Variants in AFAP1L2 observed in about 807,000 individuals in gnomAD.
AFAP1L2 encodes the protein actin filament-associated protein 1-like 2.
Under a neutral mutation model 99.3 loss-of-function variants are expected in AFAP1L2, and 46 were observed. The ratio of observed to expected loss-of-function variants is 0.46; its 90% CI spans 0.37 to 0.59. The LOEUF (loss-of-function observed/expected upper bound fraction) is 0.59, where lower values mean the gene tolerates loss of function less well. Ranked by LOEUF, AFAP1L2 falls within the 20% of genes least tolerant of loss-of-function variation. The probability of loss-of-function intolerance (pLI) is 0.00; values close to 1 mark genes in which losing one functional copy is unlikely to be tolerated. For synonymous variants in AFAP1L2, 397 were observed against 419.1 expected (o/e 0.95, Z 0.64); for missense variants, 959 against 1,034.9 (o/e 0.93, Z 1.01).
At chr10:114,287,977 C>T in the AFAP1L2 span, among the ~76,000 whole-genome samples, 2 of 152,188 alleles carry the variant, frequency 1.3e-5, no homozygotes, top group Non-Finnish European at 2.9e-5. Flanking sequence ...GTTTCTCAGA[C>T]GTTCCTGGTG....
intron 1 of AFAP1L2, among the ~76,000 whole-genome samples, chr10:114,394,466 T>C (rs1252376306): frequency 6.6e-6 from 1 of 152,124 alleles, no homozygotes; most frequent in Non-Finnish European, 1.5e-5. Flanking sequence ...AGGGTCTGAC[T>C]CTATCCTCTG....
chr10:114,323,746 G>A (rs2045765368), intron 4 of AFAP1L2, among the ~76,000 whole-genome samples: 1 of 152,154 alleles, frequency 6.6e-6, no homozygotes, highest in Admixed American at 6.5e-5. Context: ...AGCAAATATT[G>A]GATGACTTCC....
At chr10:114,307,428 TC>T (rs2134346333) in intron 10 of AFAP1L2, among the ~76,000 whole-genome samples, 1 of 151,900 alleles carries the variant, frequency 6.6e-6, no homozygotes, top group Non-Finnish European at 1.5e-5. Context: ...AATCATCACC[TC>T]CCTCAGGCAG....
rs1397212300 is a variant in AFAP1L2 at position 114,340,870 on chromosome 10, C to T, written c.17-139G>A. The T allele has an allele frequency of 4.2e-6, 5 of 1,199,964 alleles. No homozygotes were observed. In the Admixed American group the frequency reaches 7.1e-5, roughly 17 times the overall value. The allele number at this position is 1,199,964 out of a possible 1,614,324, so 74.3% of individuals were successfully genotyped here. A position where few individuals can be genotyped will look rare whatever the true frequency, so the allele number is the denominator to read the frequency against. On this transcript the variant is annotated intron_variant, in intron 1 of 18. Coordinates refer to ENST00000304129, the MANE Select transcript of AFAP1L2 (RefSeq NM_001001936.3). ...AAGGGTTTGGTGTGAGGTCTGGCAGCGTATGGGGGGACTGGGCAGAAGATG... is the reference window on the plus strand; with the variant it reads ...AAGGGTTTGGTGTGAGGTCTGGCAGTGTATGGGGGGACTGGGCAGAAGATG...
intron 1 of AFAP1L2, among the ~76,000 whole-genome samples, chr10:114,390,740 A>T (rs1306832460): frequency 6.6e-6 from 1 of 151,864 alleles, no homozygotes; most frequent in Non-Finnish European, 1.5e-5. Context: ...AAAAAAAAAA[A>T]AAAATCCTAC....
rs753599540 is a variant in AFAP1L2 at position 114,295,303 on chromosome 10, C to T, written c.*739G>A. On this transcript the variant is annotated 3_prime_UTR_variant, in exon 19 of 19. Transcript: ENST00000304129. ...AGATACTTTTCACTGTTCTAAATGACAGGATTTTAAGCATTTTTTCCTATA... is the reference window on the plus strand; with the variant it reads ...AGATACTTTTCACTGTTCTAAATGATAGGATTTTAAGCATTTTTTCCTATA... 2.9e-5 allele frequency: 29 copies of T among 984,936 alleles called. No individual in the cohort carries two copies. The highest frequency in any genetic ancestry group is 1.8e-5 in the Non-Finnish European group (15 of 829,222). 61.0% of individuals were successfully genotyped at this position (984,936 alleles called of 1,614,324 possible).
chr10:114,330,714 T>C (rs573336318), intron 4 of AFAP1L2, among the ~76,000 whole-genome samples: 1 of 152,248 alleles, frequency 6.6e-6, no homozygotes, highest in South Asian at 2.1e-4. Context: ...CACATCCATA[T>C]GATTTTACAA....
At chr10:114,282,739 A>G in the AFAP1L2 span, among the ~76,000 whole-genome samples, 4 of 152,296 alleles carry the variant, frequency 2.6e-5, no homozygotes, top group South Asian at 2.1e-4. Flanking sequence ...GACTCCCTCA[A>G]TGGTGTTTGC....
intron 1 of AFAP1L2, among the ~76,000 whole-genome samples, chr10:114,379,449 C>G (rs536302011): frequency 2.6e-5 from 4 of 152,136 alleles, no homozygotes; most frequent in African/African-American, 9.6e-5. Context: ...TACTATTTTC[C>G]CATGATAAAA....
chr10:114,375,616 A>G (rs1458288615), intron 1 of AFAP1L2, among the ~76,000 whole-genome samples: 1 of 152,216 alleles, frequency 6.6e-6, no homozygotes, highest in Non-Finnish European at 1.5e-5. Context: ...GTTTATTCAT[A>G]AAAATCATTC....
intron 7 of AFAP1L2, among the ~76,000 whole-genome samples, chr10:114,313,585 C>T (rs117719887): frequency 0.011 from 1,599 of 152,188 alleles, 18 homozygotes; most frequent in South Asian, 0.035. Flanking sequence ...CAAATGGCAG[C>T]GACATGTATT....
the AFAP1L2 span, among the ~76,000 whole-genome samples, chr10:114,287,370 G>A: frequency 6.6e-6 from 1 of 152,092 alleles, no homozygotes; most frequent in Non-Finnish European, 1.5e-5. Flanking sequence ...TTAGAGAGAT[G>A]TGGTCTTGCT....
intron 1 of AFAP1L2, among the ~76,000 whole-genome samples, chr10:114,375,964 C>CA (rs1264127018): frequency 6.6e-6 from 1 of 151,908 alleles, no homozygotes; most frequent in Non-Finnish European, 1.5e-5. Context: ...TGTCTCAAAA[C>CA]AAAAAATACA....
At chr10:114,374,749 G>A (rs896881007) in intron 1 of AFAP1L2, among the ~76,000 whole-genome samples, 4 of 150,806 alleles carry the variant, frequency 2.7e-5, no homozygotes, top group African/African-American at 9.8e-5. Context: ...GGGGCCCAGC[G>A]CTGATGCTGC....
intron 10 of AFAP1L2, among the ~76,000 whole-genome samples, chr10:114,305,682 C>CAGGTGCAGGAGGGGAT (rs2042171072): frequency 1.2e-5 from 1 of 82,334 alleles, no homozygotes; most frequent in Non-Finnish European, 2.3e-5. Context: ...CAGGAGGGGA[C>CAGGTGCAGGAGGGGAT]GGGGCTGCAG....
Position 114,301,555 on chromosome 10 carries a change from G to T in AFAP1L2, c.1431-90C>A, listed in dbSNP as rs2041197559. On this transcript the variant is annotated intron_variant, in intron 12 of 18. Transcript: ENST00000304129. The stretch of plus-strand genomic sequence containing the variant: ...CAAGGATTCCCAGTGAGGAGTGGTT[G>T]CCGTGAAAGTGGTGGCCACACAAGA... 4 of 962,626 alleles carry T rather than the reference G, an allele frequency of 4.2e-6. No homozygotes were observed. In the Admixed American group the frequency reaches 5.5e-5, roughly 13 times the overall value. 59.6% of individuals were successfully genotyped at this position (962,626 alleles called of 1,614,324 possible). A position where few individuals can be genotyped will look rare whatever the true frequency, so the allele number is the denominator to read the frequency against.
chr10:114,294,711 G>A (rs185020028), downstream of AFAP1L2: 13 of 668,510 alleles, frequency 1.9e-5, no homozygotes, highest in African/African-American at 2.1e-4. Flanking sequence ...CAAGGAGGCT[G>A]AGTTTCCTGC....
At chr10:114,344,425 T>C (rs1482921291) in intron 1 of AFAP1L2, among the ~76,000 whole-genome samples, 1 of 152,156 alleles carries the variant, frequency 6.6e-6, no homozygotes, top group Non-Finnish European at 1.5e-5. Flanking sequence ...AGGCTGTCCC[T>C]CTGCTGCCAC....
rs570106820 is a variant in AFAP1L2, at chr10:114,317,635, G to C, written c.407-1870C>G. 7.2e-5 allele frequency among the ~76,000 whole-genome samples: 11 copies of C among 152,294 alleles called. No individual in the cohort carries two copies. The South Asian group carries it at 8.3e-4, about 11-fold the overall frequency. The stretch of plus-strand genomic sequence containing the variant: ...GCATTCTGGGAGGCCAAGGCAGGTG[G>C]ATCACTTGAGCTCAGGAGTTCAAGA... On this transcript the variant is annotated intron_variant, in intron 5 of 18. Coordinates refer to ENST00000304129, the MANE Select transcript of AFAP1L2 (RefSeq NM_001001936.3).
Sources: allele counts gnomAD v4.1 joint callset (sites outside exome capture counted in the v4.1 genomes callset), GRCh38; gene constraint gnomAD v4.1.1; transcripts MANE v1.5; gene names NCBI Gene and HGNC (gene_info 2026-07-23, HGNC 2026-07-21).